Variants in URB1 observed in about 807,000 individuals in gnomAD.
The protein encoded by URB1 is URB1 ribosome biogenesis factor, also known as nucleolar pre-ribosomal-associated protein 1.
In URB1, 197 loss-of-function variants were observed where a neutral mutation model predicts 242.3. The observed-to-expected ratio is 0.81, with a 90% CI of 0.72 to 0.91. The LOEUF (loss-of-function observed/expected upper bound fraction) is 0.91. Among genes scored for constraint, URB1 ranks in the 40% least tolerant of loss-of-function variants. The probability of loss-of-function intolerance (pLI) is 0.00; values close to 1 mark genes in which losing one functional copy is unlikely to be tolerated. For synonymous variants in URB1, 1,153 were observed against 1,201.8 expected (o/e 0.96, Z 0.84); for missense variants, 2,721 against 2,860.5 (o/e 0.95, Z 1.11).
chr21:32,319,446 C>T lies in URB1; in HGVS notation c.5595-32G>A, dbSNP rs1479858883. On this transcript the variant is annotated intron_variant, in intron 35 of 38. Transcript: ENST00000382751. ...CCAAGCACAACAGCCTTCAATCCGCCACATCCTGACCTTTCAGCAGGATCA... is the reference window on the plus strand; with the variant it reads ...CCAAGCACAACAGCCTTCAATCCGCTACATCCTGACCTTTCAGCAGGATCA... The T allele has an allele frequency of 2.1e-5, 31 of 1,475,372 alleles. 1 individual carries two copies. In the South Asian group the frequency reaches 3.9e-4, roughly 19 times the overall value. The allele number at this position is 1,475,372 out of a possible 1,614,324, so 91.4% of individuals were successfully genotyped here.
chr21:32,332,009 C>A (rs1447984254), intron 30 of URB1, among the ~76,000 whole-genome samples: 1 of 152,222 alleles, frequency 6.6e-6, no homozygotes, highest in African/African-American at 2.4e-5. Flanking sequence ...CCAGGAAAGA[C>A]CTGCAGAGGC....
At chr21:32,345,628 C>T (rs964113058) in intron 22 of URB1, 53 bp from the exon 23 acceptor site, 1 of 1,468,560 alleles carries the variant, frequency 6.8e-7, no homozygotes. Flanking sequence ...GGGCTGCAGC[C>T]AGCTTGGACC....
chr21:32,345,081 C>T (rs2123575958), intron 23 of URB1, among the ~76,000 whole-genome samples: 1 of 152,246 alleles, frequency 6.6e-6, no homozygotes, highest in South Asian at 2.1e-4. Flanking sequence ...AGAAGCAACA[C>T]CCTCTCATCC....
chr21:32,363,114 G>A, intron 11 of URB1, 42 bp downstream of exon 11: 1 of 1,529,870 alleles, frequency 6.5e-7, no homozygotes, highest in Non-Finnish European at 8.8e-7. Flanking sequence ...TTTCCACCTG[G>A]TGAGGTCTGG....
chr21:32,380,115 T>G (rs1381690346), intron 4 of URB1, among the ~76,000 whole-genome samples: 1 of 152,230 alleles, frequency 6.6e-6, no homozygotes, highest in East Asian at 1.9e-4. Context: ...TCTGTGGCAT[T>G]TTCCATTTTC....
At chr21:32,322,010 AAAC>A in intron 33 of URB1, 66 bp from the exon 34 acceptor site, 1 of 1,524,540 alleles carries the variant, frequency 6.6e-7, no homozygotes, top group Admixed American at 2.0e-5. Flanking sequence ...ACAACTGTTC[AAAC>A]ACCACTATTT....
intron 15 of URB1, 54 bp from the exon 16 acceptor site, chr21:32,355,619 TTTTC>T: frequency 7.0e-7 from 1 of 1,428,076 alleles, no homozygotes; most frequent in Middle Eastern, 1.8e-4. Context: ...GCTTTCTTTC[TTTTC>T]TTTGAGACAG....
In URB1 at chr21:32,363,150, G is replaced by A. The variant is rs1304382428; in HGVS notation, c.1509+6C>T. 3 of 1,550,564 alleles carry A rather than the reference G, an allele frequency of 1.9e-6. No individual in the cohort carries two copies. In the East Asian group the frequency reaches 7.3e-5, roughly 38 times the overall value. On this transcript the variant is annotated splice_donor_region_variant and intron_variant, in intron 11 of 38. Coordinates refer to ENST00000382751, the MANE Select transcript of URB1 (RefSeq NM_014825.3). ...AAGGAAAGCCCAAACCCAGATCAGA[G>A]CCTACCTTGCTCAGGGCTTCTCTGA... is the stretch of plus-strand genomic sequence containing the variant.
At chr21:32,325,986 G>T (rs145041104) in intron 30 of URB1, among the ~76,000 whole-genome samples, 33 of 152,322 alleles carry the variant, frequency 2.2e-4, no homozygotes, top group African/African-American at 7.7e-4. Flanking sequence ...GGTCCAGAGA[G>T]CCTGTTGGCT....
At position 32,369,445 on chromosome 21, in the gene URB1, ATTTGT is replaced by A. The variant is rs571020904; in HGVS notation, c.1002-852_1002-848del. ...AAGACATTTTTCTCTTGAAAGGGGG[ATTTGT>A]TTTAATTTTTAAAATTTTTTATTAT... On this transcript the variant is annotated intron_variant, in intron 8 of 38. Coordinates refer to ENST00000382751, the MANE Select transcript of URB1 (RefSeq NM_014825.3). Among the ~76,000 whole-genome samples the A allele has an allele frequency of 2.5e-3, 384 of 151,930 alleles. 1 individual carries two copies. Among genetic ancestry groups the A allele is most frequent in the African/African-American group, 8.5e-3 (351 of 41,426 alleles).
In URB1 at chr21:32,393,002, ACATGGCG is replaced by A. The variant is rs2033658977; in HGVS notation, c.-99_-93del. 46 of 1,387,808 alleles carry A rather than the reference ACATGGCG, an allele frequency of 3.3e-5. 2 individuals are homozygous for A. The South Asian group carries it at 6.6e-4, about 20-fold the overall frequency. The allele number at this position is 1,387,808 out of a possible 1,614,324, so 86.0% of individuals were successfully genotyped here. A position where few individuals can be genotyped will look rare whatever the true frequency, so the allele number is the denominator to read the frequency against. On this transcript the variant is annotated 5_prime_UTR_variant, in exon 1 of 39. It removes an upstream start codon present in the reference 5' UTR. Coordinates refer to ENST00000382751, the MANE Select transcript of URB1 (RefSeq NM_014825.3). ...GACAGCAGACACGCGCTTCAGGCCC[ACATGGCG>A]CAGGAAGAGGCGGGGCTGGCGGAAG... is the stretch of plus-strand genomic sequence containing the variant.
rs1054552997 is a variant in URB1 at position 32,346,983 on chromosome 21, G to A, written c.3841C>T (p.Arg1281Trp). 2.8e-5 allele frequency: 42 copies of A among 1,526,256 alleles called. No homozygotes were observed. The highest frequency in any genetic ancestry group is 3.7e-5 in the South Asian group (3 of 82,032). The allele number at this position is 1,526,256 out of a possible 1,614,324, so 94.5% of individuals were successfully genotyped here. The change falls in exon 22 of 39, where the codon CGG becomes TGG. Residue 1281 changes from arginine (R) to tryptophan (W), a missense_variant. By Grantham distance (101) the Arg-to-Trp change is moderately radical. Transcript: ENST00000382751. ...CCTGCTGGGCGTGTGAAGTGGCTCC[G>A]TGTCCTGCACTGGAGGTACACATGG... ...LIHVYLQCRT[R>W]SHFTRPAGVS...
chr21:32,337,356 C>G, intron 27 of URB1, 48 bp downstream of exon 27: 2 of 1,492,812 alleles, frequency 1.3e-6, no homozygotes, highest in Non-Finnish European at 1.8e-6. Flanking sequence ...ACACCCCCGG[C>G]CCTCACTCCC....
chr21:32,352,623 C>A, intron 19 of URB1, 87 bp downstream of exon 19: 1 of 1,491,188 alleles, frequency 6.7e-7, no homozygotes, highest in Non-Finnish European at 9.1e-7. Flanking sequence ...GTCTGGCTAC[C>A]CAACTGCACA....
In URB1 at chr21:32,347,703, C is replaced by A; in HGVS notation, c.3121G>T (p.Val1041Leu). Residue 1041 changes from valine (V) to leucine (L), a missense_variant, in exon 22 of 39, where the codon GTG becomes TTG. Transcript: ENST00000382751. ...CTAAAGTGGGTGGCCAGGAGCTTCA[C>A]GAGGACAGGGCTGAGCGTGTGCGGC... Reference protein sequence around the residue: ...LPPHTLSPVLVKLLATHFSAG... With the variant: ...LPPHTLSPVLLKLLATHFSAG... 2 of 1,551,254 alleles carry A rather than the reference C, an allele frequency of 1.3e-6. No individual in the cohort carries two copies. The highest frequency in any genetic ancestry group is 1.7e-6 in the Non-Finnish European group (2 of 1,147,008).
At chr21:32,392,057 T>G (rs965825992) in intron 1 of URB1, among the ~76,000 whole-genome samples, 11 of 151,942 alleles carry the variant, frequency 7.2e-5, no homozygotes, top group African/African-American at 2.7e-4. Context: ...AATTGGAAGT[T>G]GAAGATATTT....
In URB1 at chr21:32,349,389, T is replaced by C; in HGVS notation, c.2927A>G (p.Gln976Arg). 6.4e-7 allele frequency: 1 copy of C among 1,551,504 alleles called. No individual in the cohort carries two copies. Among genetic ancestry groups the C allele is most frequent in the Non-Finnish European group, 8.7e-7 (1 of 1,146,982 alleles). The change falls in exon 21 of 39, where the codon CAG (glutamine) becomes CGG (arginine). Residue 976 changes from glutamine to arginine, a missense_variant. By Grantham distance (43) the Gln-to-Arg change is conservative. Coordinates refer to ENST00000382751, the MANE Select transcript of URB1 (RefSeq NM_014825.3). ...GGCCCGGGCGGCCTCGCATCTCTGCTGGTTCTGGGCATCCAGCTGCTCACA... is the reference window on the plus strand; with the variant it reads ...GGCCCGGGCGGCCTCGCATCTCTGCCGGTTCTGGGCATCCAGCTGCTCACA... ...VHCEQLDAQN[Q>R]QRCEAARAEA...
chr21:32,372,927 T>C (rs1324075390), intron 7 of URB1, among the ~76,000 whole-genome samples: 1 of 152,230 alleles, frequency 6.6e-6, no homozygotes. Flanking sequence ...TTATGCAGCC[T>C]CTGAGGCTTG....
In URB1 at chr21:32,314,658, G is replaced by A. The variant is rs2032651629; in HGVS notation, c.*260C>T. 1 of 1,613,370 alleles carries A rather than the reference G, an allele frequency of 6.2e-7. No homozygotes were observed. Among genetic ancestry groups the A allele is most frequent in the African/African-American group, 1.3e-5 (1 of 75,038 alleles). On this transcript the variant is annotated 3_prime_UTR_variant, in exon 39 of 39. Coordinates refer to ENST00000382751, the MANE Select transcript of URB1 (RefSeq NM_014825.3). ...AGAGAGGAAGGGGCGGCCTGACGAG[G>A]CACTGGATGGGCCTCATGGCCTAGA...
Sources: gnomAD v4.1 joint callset for allele counts (sites outside exome capture counted in the v4.1 genomes callset) on GRCh38, gnomAD v4.1.1 for gene constraint, MANE v1.5 for transcripts, NCBI Gene and HGNC (gene_info 2026-07-23, HGNC 2026-07-21) for gene names.